Variants in TENM2 observed in about 807,000 individuals in gnomAD.
TENM2 encodes teneurin transmembrane protein 2, also known as teneurin-2.
Under a neutral mutation model 245.2 loss-of-function variants are expected in TENM2, and 52 were observed. The observed-to-expected ratio is 0.21, with a 90% CI of 0.17 to 0.27. The LOEUF is 0.27. Among genes scored for constraint, TENM2 ranks in the 10% least tolerant of loss-of-function variants. The probability of loss-of-function intolerance (pLI) is 1.00; values close to 1 mark genes in which losing one functional copy is unlikely to be tolerated. For synonymous variants in TENM2, 1,363 were observed against 1,438.9 expected (o/e 0.95, Z 1.19); for missense variants, 3,046 against 3,666.8 (o/e 0.83, Z 4.37).
In TENM2 at chr5:167,575,469, G is replaced by A. The variant is rs182007684; in HGVS notation, c.502+199996G>A. On this transcript the variant is annotated intron_variant, in intron 2 of 28. Coordinates refer to ENST00000518659, the Ensembl canonical transcript of TENM2. Reference sequence around the variant, plus strand: ...TTTTTCTTCCCAAGTTTCCAAACCGGACTTGCTCCTCAATATCATACCCTG... The same window carrying A: ...TTTTTCTTCCCAAGTTTCCAAACCGAACTTGCTCCTCAATATCATACCCTG... 3.8e-3 allele frequency among the ~76,000 whole-genome samples: 580 copies of A among 152,192 alleles called. 3 individuals are homozygous for A. The highest frequency in any genetic ancestry group is 6.6e-3 in the Non-Finnish European group (450 of 68,002).
intron 23 of TENM2, among the ~76,000 whole-genome samples, chr5:168,223,088 G>T (rs894753032): frequency 2.0e-5 from 3 of 152,206 alleles, no homozygotes; most frequent in African/African-American, 7.2e-5. Flanking sequence ...ACGTTCCTTG[G>T]GGGAAGTAAG....
chr5:167,023,965 C>A, the TENM2 span, among the ~76,000 whole-genome samples: 1 of 152,022 alleles, frequency 6.6e-6, no homozygotes, highest in Admixed American at 6.6e-5. Flanking sequence ...ATCAAATATA[C>A]AAAATTCATA....
At chr5:167,861,695 T>A (rs1771825991) in intron 2 of TENM2, among the ~76,000 whole-genome samples, 1 of 152,206 alleles carries the variant, frequency 6.6e-6, no homozygotes, top group Admixed American at 6.5e-5. Flanking sequence ...TTATCAACTC[T>A]GGCTCAGAGA....
At chr5:168,150,222 G>A (rs1259484270) in intron 12 of TENM2, among the ~76,000 whole-genome samples, 3 of 152,132 alleles carry the variant, frequency 2.0e-5, no homozygotes, top group Admixed American at 6.5e-5. Context: ...TGCATAATAG[G>A]TGCTCGATAA....
At chr5:167,617,327 T>C (rs909569787) in intron 2 of TENM2, among the ~76,000 whole-genome samples, 1 of 152,146 alleles carries the variant, frequency 6.6e-6, no homozygotes, top group African/African-American at 2.4e-5. Flanking sequence ...GTTACACCAG[T>C]GACAATGTTC....
At chr5:167,465,036 C>T (rs930117645) in intron 2 of TENM2, among the ~76,000 whole-genome samples, 1 of 152,096 alleles carries the variant, frequency 6.6e-6, no homozygotes, top group Non-Finnish European at 1.5e-5. Flanking sequence ...TTTAAAGCAC[C>T]GTTCTCAAAA....
chr5:168,159,845 C>A (rs1400156179), intron 12 of TENM2, among the ~76,000 whole-genome samples: 1 of 152,018 alleles, frequency 6.6e-6, no homozygotes, highest in Non-Finnish European at 1.5e-5. Context: ...GGGGAGGAAG[C>A]AAGAGAGGAA....
intron 4 of TENM2, among the ~76,000 whole-genome samples, chr5:167,991,061 C>T (rs1054104222): frequency 1.5e-4 from 23 of 152,122 alleles, no homozygotes; most frequent in Admixed American, 5.2e-4. Context: ...CAACTCCCAG[C>T]GTCAGTTTTC....
intron 1 of TENM2, chr5:167,303,463 T>TG (rs1352600652): frequency 1.3e-5 from 2 of 151,218 alleles, no homozygotes; most frequent in African/African-American, 2.4e-5. Flanking sequence ...CGGGCTGGAG[T>TG]GGGGGTCACA....
the TENM2 span, among the ~76,000 whole-genome samples, chr5:167,157,640 T>C: frequency 2.6e-5 from 4 of 152,320 alleles, no homozygotes; most frequent in Middle Eastern, 3.4e-3. Context: ...AGGCCTGTAA[T>C]TGTTAATTAT....
At chr5:168,193,347 A>T (rs1761119125) in intron 14 of TENM2, among the ~76,000 whole-genome samples, 1 of 152,258 alleles carries the variant, frequency 6.6e-6, no homozygotes, top group South Asian at 2.1e-4. Context: ...GTTCCCCTAG[A>T]TAATGGCATA....
intron 23 of TENM2, among the ~76,000 whole-genome samples, chr5:168,224,637 C>A (rs946671358): frequency 7.9e-5 from 12 of 152,120 alleles, no homozygotes; most frequent in Admixed American, 2.0e-4. Flanking sequence ...TCTCTGAGGA[C>A]CCCCCATCCC....
intron 2 of TENM2, among the ~76,000 whole-genome samples, chr5:167,634,266 C>A (rs1779055387): frequency 6.6e-6 from 1 of 152,136 alleles, no homozygotes; most frequent in Non-Finnish European, 1.5e-5. Flanking sequence ...TTTGCAATCA[C>A]AAGCAAGGAA....
intron 1 of TENM2, among the ~76,000 whole-genome samples, chr5:167,308,672 A>G (rs948561259): frequency 2.6e-5 from 4 of 152,186 alleles, no homozygotes; most frequent in Non-Finnish European, 4.4e-5. Context: ...AATTCTGCTT[A>G]TCACTTGGCT....
At chr5:167,949,111 G>C (rs1209341799) in intron 3 of TENM2, among the ~76,000 whole-genome samples, 1 of 152,160 alleles carries the variant, frequency 6.6e-6, no homozygotes, top group Non-Finnish European at 1.5e-5. Flanking sequence ...CAAGGCACCC[G>C]AGTGAAACTA....
the TENM2 span, among the ~76,000 whole-genome samples, chr5:167,127,619 T>C: frequency 2.0e-5 from 3 of 149,838 alleles, no homozygotes; most frequent in Non-Finnish European, 4.4e-5. Flanking sequence ...ACAAGCTTTT[T>C]TTTTTTTTTA....
At chr5:167,182,100 A>T in the TENM2 span, among the ~76,000 whole-genome samples, 1 of 152,208 alleles carries the variant, frequency 6.6e-6, no homozygotes, top group East Asian at 1.9e-4. Context: ...TTCTTATTAA[A>T]ATTTAAATAC....
chr5:168,164,164 T>G (rs1012712505), intron 13 of TENM2, among the ~76,000 whole-genome samples: 6 of 152,218 alleles, frequency 3.9e-5, no homozygotes, highest in Non-Finnish European at 7.3e-5. Context: ...ATTCATTCAG[T>G]GCCAAAACAG....
intron 2 of TENM2, among the ~76,000 whole-genome samples, chr5:167,572,338 C>T (rs946071266): frequency 4.6e-5 from 7 of 152,028 alleles, no homozygotes; most frequent in South Asian, 4.2e-4. Context: ...GCCTAGGGTC[C>T]GGGGATATGT....
Sources: allele counts gnomAD v4.1 joint callset (sites outside exome capture counted in the v4.1 genomes callset), GRCh38; gene constraint gnomAD v4.1.1; transcripts MANE v1.5; gene names NCBI Gene and HGNC (gene_info 2026-07-23, HGNC 2026-07-21).